Variants in RGS6 observed in about 807,000 individuals in gnomAD.
The protein encoded by RGS6 is regulator of G protein signaling 6.
In RGS6, 30 loss-of-function variants were observed where a neutral mutation model predicts 78.5. The ratio of observed to expected loss-of-function variants is 0.38; its 90% CI spans 0.29 to 0.52. The LOEUF is 0.52. Ranked by LOEUF, RGS6 falls within the 20% of genes least tolerant of loss-of-function variation. The probability of loss-of-function intolerance (pLI) is 0.85; values close to 1 mark genes in which losing one functional copy is unlikely to be tolerated. For synonymous variants in RGS6, 206 were observed against 206.0 expected (o/e 1.00, Z 0.00); for missense variants, 495 against 609.7 (o/e 0.81, Z 1.98).
rs143953969 is a variant in RGS6, at chr14:72,168,412, A to G, written c.85-183683A>G. On this transcript the variant is annotated intron_variant, in intron 2 of 17. Coordinates refer to ENST00000553525, the MANE Select transcript of RGS6 (RefSeq NM_001204424.2). ...ATCCCAGGGTCCTGTGACCCAGAGCATGGTCTAGAACTGTGCTGGGCAGCA... is the reference window on the plus strand; with the variant it reads ...ATCCCAGGGTCCTGTGACCCAGAGCGTGGTCTAGAACTGTGCTGGGCAGCA... Among the ~76,000 whole-genome samples the G allele has an allele frequency of 3.9e-3, 594 of 152,294 alleles. 2 individuals are homozygous for G. Among genetic ancestry groups the G allele is most frequent in the African/African-American group, 0.014 (570 of 41,552 alleles).
intron 17 of RGS6, among the ~76,000 whole-genome samples, chr14:72,556,288 C>T (rs528109272): frequency 1.3e-5 from 2 of 152,226 alleles, no homozygotes; most frequent in East Asian, 3.9e-4. Context: ...TCTTACTTGG[C>T]AGCAGGCAAG....
intron 2 of RGS6, among the ~76,000 whole-genome samples, chr14:72,263,972 A>G (rs1238357742): frequency 1.3e-5 from 2 of 152,210 alleles, no homozygotes; most frequent in Non-Finnish European, 2.9e-5. Flanking sequence ...GCCATATCGT[A>G]TACACACTGT....
intron 2 of RGS6, among the ~76,000 whole-genome samples, chr14:72,190,338 T>G (rs539094776): frequency 1.3e-5 from 2 of 152,352 alleles, no homozygotes; most frequent in African/African-American, 4.8e-5. Context: ...AAAGGACTGT[T>G]TTTCCATCAT....
the RGS6 span, among the ~76,000 whole-genome samples, chr14:71,878,326 C>T: frequency 6.6e-6 from 1 of 152,194 alleles, no homozygotes; most frequent in Non-Finnish European, 1.5e-5. Context: ...CGGTGGGCTC[C>T]ACCCAGTTCA....
At chr14:71,932,123 G>A (rs36322), upstream of RGS6, among the ~76,000 whole-genome samples, 2 of 152,190 alleles carry the variant, frequency 1.3e-5, no homozygotes, top group Non-Finnish European at 2.9e-5. Flanking sequence ...GCCTCCGCCC[G>A]GTCGAGCCAG....
At chr14:72,599,001 G>T in the RGS6 span, among the ~76,000 whole-genome samples, 14 of 151,844 alleles carry the variant, frequency 9.2e-5, no homozygotes, top group South Asian at 2.1e-3. Context: ...TGCAGCCACG[G>T]GATTCTCTAT....
At chr14:72,429,623 A>G (rs186154667) in intron 3 of RGS6, among the ~76,000 whole-genome samples, 2 of 152,332 alleles carry the variant, frequency 1.3e-5, no homozygotes, top group Middle Eastern at 3.4e-3. Context: ...AGAAGATATT[A>G]TAATGTGCTT....
intron 3 of RGS6, among the ~76,000 whole-genome samples, chr14:72,447,709 T>C (rs939138933): frequency 5.9e-5 from 9 of 152,188 alleles, no homozygotes; most frequent in African/African-American, 2.2e-4. Context: ...TGTCCTGTTT[T>C]CTTTATTTTT....
intron 2 of RGS6, among the ~76,000 whole-genome samples, chr14:72,107,719 C>T (rs2095663039): frequency 6.6e-6 from 1 of 151,982 alleles, no homozygotes; most frequent in South Asian, 2.1e-4. Flanking sequence ...TTCAGGACTA[C>T]AGGGTTTTAA....
At chr14:72,295,356 T>C (rs2064584485) in intron 2 of RGS6, among the ~76,000 whole-genome samples, 1 of 150,980 alleles carries the variant, frequency 6.6e-6, no homozygotes, top group Non-Finnish European at 1.5e-5. Flanking sequence ...TATACGCAAC[T>C]GTGAAAAAGG....
At chr14:72,001,898 T>TTTTTTTTTC (rs2083523150) in intron 2 of RGS6, among the ~76,000 whole-genome samples, 1 of 66,408 alleles carries the variant, frequency 1.5e-5, no homozygotes, top group African/African-American at 9.6e-5. Flanking sequence ...CATTAATCTT[T>TTTTTTTTTC]TTTTTTTTTT....
intron 2 of RGS6, among the ~76,000 whole-genome samples, chr14:72,046,985 A>G (rs1203238747): frequency 6.6e-6 from 1 of 152,214 alleles, no homozygotes; most frequent in African/African-American, 2.4e-5. Context: ...ATTTTGTTAG[A>G]TGATCCTATG....
Position 72,401,984 on chromosome 14 carries a change from A to G in RGS6, c.184+49790A>G, listed in dbSNP as rs563536697. On this transcript the variant is annotated intron_variant, in intron 3 of 17. Transcript: ENST00000553525. The stretch of plus-strand genomic sequence containing the variant: ...TAGGATACAGGGAAAGTGACAAAAG[A>G]TGGAGCAAGTTGGAACCTGATGGGA... Among the ~76,000 whole-genome samples, 366 of 152,344 alleles carry G rather than the reference A, an allele frequency of 2.4e-3. 1 individual carries two copies. Among genetic ancestry groups the G allele is most frequent in the Middle Eastern group, 6.8e-3 (2 of 294 alleles).
chr14:72,451,448 C>A (rs1476410160), intron 3 of RGS6, among the ~76,000 whole-genome samples: 1 of 152,006 alleles, frequency 6.6e-6, no homozygotes, highest in Non-Finnish European at 1.5e-5. Context: ...CACAGGAAGC[C>A]AAAAGCGGGT....
the RGS6 span, among the ~76,000 whole-genome samples, chr14:71,918,184 C>CA: frequency 0.02 from 684 of 33,712 alleles, 238 homozygotes; most frequent in Non-Finnish European, 0.026. Context: ...ACTCCAGTCT[C>CA]AAAAAAAAAA....
chr14:72,011,317 T>C (rs12892100), intron 2 of RGS6, among the ~76,000 whole-genome samples: 94,929 of 152,114 alleles, frequency 0.62, 29,961 homozygotes, highest in South Asian at 0.68. Flanking sequence ...CAATCCCATA[T>C]ACTTGGGCCT....
intron 2 of RGS6, among the ~76,000 whole-genome samples, chr14:72,245,682 C>T (rs1225958163): frequency 6.6e-6 from 1 of 152,220 alleles, no homozygotes; most frequent in Non-Finnish European, 1.5e-5. Flanking sequence ...TACATTGCTG[C>T]AGAGATTTTA....
chr14:72,574,290 T>G, the RGS6 span, among the ~76,000 whole-genome samples: 1 of 152,204 alleles, frequency 6.6e-6, no homozygotes, highest in Non-Finnish European at 1.5e-5. Context: ...CTTCTGCCAG[T>G]TCACTCACAC....
At chr14:72,259,433 A>G (rs2057699923) in intron 2 of RGS6, among the ~76,000 whole-genome samples, 3 of 152,130 alleles carry the variant, frequency 2.0e-5, no homozygotes, top group African/African-American at 4.8e-5. Context: ...AGTGACTCCT[A>G]TTCTACAGCA....
Sources: gnomAD v4.1 joint callset for allele counts (sites outside exome capture counted in the v4.1 genomes callset) on GRCh38, gnomAD v4.1.1 for gene constraint, MANE v1.5 for transcripts, NCBI Gene and HGNC (gene_info 2026-07-23, HGNC 2026-07-21) for gene names.